The following KAZN variants were observed in gnomAD, a reference collection of about 807,000 sequenced individuals.
KAZN encodes kazrin, periplakin interacting protein.
Under a neutral mutation model 87.4 loss-of-function variants are expected in KAZN, and 40 were observed. The ratio of observed to expected loss-of-function variants is 0.46; its 90% CI spans 0.36 to 0.60. The LOEUF (loss-of-function observed/expected upper bound fraction) is 0.60. Among genes scored for constraint, KAZN ranks in the 20% least tolerant of loss-of-function variants. The pLI is 0.00. For missense variants in KAZN, 898 were observed against 1,073.9 expected (o/e 0.84, Z 2.29); for synonymous variants, 466 against 458.3 (o/e 1.02, Z -0.22).
intron 2 of KAZN, among the ~76,000 whole-genome samples, chr1:14,235,663 A>G (rs1048755493): frequency 1.3e-5 from 2 of 152,244 alleles, no homozygotes; most frequent in Non-Finnish European, 2.9e-5. Context: ...TTTTATGCAT[A>G]AAGATGACAT....
intron 2 of KAZN, among the ~76,000 whole-genome samples, chr1:14,536,483 G>C (rs75968173): frequency 0.021 from 3,154 of 152,296 alleles, 38 homozygotes; most frequent in Non-Finnish European, 0.029. Flanking sequence ...AGTCACAGGT[G>C]GTGGCTGTTG....
At position 14,946,399 on chromosome 1, in the gene KAZN, A is replaced by G. The variant is rs192714572; in HGVS notation, c.227-14285A>G. 1.8e-3 allele frequency among the ~76,000 whole-genome samples: 272 copies of G among 148,054 alleles called. 2 individuals carry two copies. Among genetic ancestry groups the G allele is most frequent in the Non-Finnish European group, 3.2e-3 (219 of 67,444 alleles). ...GTTGCCCAGGCTGGAGTGCAGTGGC[A>G]CAATCTCAGCTCACTACAACCTCTG... is the stretch of plus-strand genomic sequence containing the variant. On this transcript the variant is annotated intron_variant, in intron 1 of 14. Transcript: ENST00000376030.
chr1:14,557,666 G>A (rs201260195), intron 2 of KAZN, among the ~76,000 whole-genome samples: 3 of 108,060 alleles, frequency 2.8e-5, no homozygotes, highest in Admixed American at 9.6e-5. Flanking sequence ...GTGTGTGTGT[G>A]GTGTGTGAGA....
At chr1:14,597,990 C>T (rs1170250802), upstream of KAZN, among the ~76,000 whole-genome samples, 1 of 152,188 alleles carries the variant, frequency 6.6e-6, no homozygotes, top group Non-Finnish European at 1.5e-5. Context: ...CCATCGACGC[C>T]TTCCTTCTTA....
chr1:14,361,825 C>A (rs1233471900), intron 2 of KAZN, among the ~76,000 whole-genome samples: 1 of 152,216 alleles, frequency 6.6e-6, no homozygotes, highest in Non-Finnish European at 1.5e-5. Flanking sequence ...AGAGTTGTTC[C>A]TATTCGGCCA....
chr1:14,386,593 G>A (rs922699405), intron 2 of KAZN, among the ~76,000 whole-genome samples: 3 of 152,052 alleles, frequency 2.0e-5, no homozygotes, highest in African/African-American at 7.2e-5. Context: ...GGCTGGATAT[G>A]AAATTCGGGG....
intron 2 of KAZN, among the ~76,000 whole-genome samples, chr1:14,549,629 A>T (rs4072665): frequency 0.011 from 1,349 of 124,440 alleles, 5 homozygotes; most frequent in Non-Finnish European, 0.013. Flanking sequence ...TTTTTTTTTT[A>T]TTCAGGACAA....
At chr1:14,403,992 T>C (rs1663630701) in intron 2 of KAZN, among the ~76,000 whole-genome samples, 2 of 152,140 alleles carry the variant, frequency 1.3e-5, no homozygotes, top group South Asian at 2.1e-4. Context: ...TAAGGTTTTA[T>C]AGAGGAACTT....
chr1:14,133,906 C>G (rs1052816368), intron 1 of KAZN, among the ~76,000 whole-genome samples: 1 of 152,182 alleles, frequency 6.6e-6, no homozygotes, highest in East Asian at 1.9e-4. Flanking sequence ...TCCTTTTGAC[C>G]TCTAAGTCCT....
chr1:15,079,061 A>G (rs984624921), intron 8 of KAZN, among the ~76,000 whole-genome samples: 1 of 152,182 alleles, frequency 6.6e-6, no homozygotes, highest in Non-Finnish European at 1.5e-5. Context: ...TGCATGAATC[A>G]TGCAAGATAG....
intron 1 of KAZN, among the ~76,000 whole-genome samples, chr1:14,062,968 G>A (rs1642855428): frequency 6.6e-6 from 1 of 152,148 alleles, no homozygotes; most frequent in Non-Finnish European, 1.5e-5. Flanking sequence ...TGGAAGCATA[G>A]GAATTATAAA....
At chr1:15,023,158 C>T (rs151297393) in intron 2 of KAZN, among the ~76,000 whole-genome samples, 487 of 152,268 alleles carry the variant, frequency 3.2e-3, no homozygotes, top group Non-Finnish European at 5.3e-3. Context: ...GCCATGATCA[C>T]GCTTAGCATG....
At chr1:13,921,061 G>A (rs1640048205) in intron 1 of KAZN, among the ~76,000 whole-genome samples, 1 of 152,056 alleles carries the variant, frequency 6.6e-6, no homozygotes, top group South Asian at 2.1e-4. Context: ...ATTGTTTCAG[G>A]ACCTCTATGA....
chr1:14,146,149 G>T (rs1284704177), intron 1 of KAZN, among the ~76,000 whole-genome samples: 1 of 151,538 alleles, frequency 6.6e-6, no homozygotes, highest in Non-Finnish European at 1.5e-5. Flanking sequence ...ATTCTCCTTG[G>T]TGTAGTCACT....
At chr1:14,180,395 C>T (rs1371161850) in intron 1 of KAZN, 2 of 1,532,088 alleles carry the variant, frequency 1.3e-6, no homozygotes, top group South Asian at 1.2e-5. Context: ...TTGAAAGTTA[C>T]CAGTTGTGAC....
chr1:14,283,665 G>C (rs1653022469), intron 2 of KAZN, among the ~76,000 whole-genome samples: 1 of 152,090 alleles, frequency 6.6e-6, no homozygotes, highest in Non-Finnish European at 1.5e-5. Flanking sequence ...CGACCCCTTT[G>C]GGAACAATCT....
intron 8 of KAZN, among the ~76,000 whole-genome samples, chr1:15,084,099 C>T (rs868248614): frequency 2.7e-4 from 41 of 152,208 alleles, no homozygotes; most frequent in African/African-American, 9.4e-4. Context: ...TCTTCCTTGG[C>T]TGTCAAAACA....
intron 1 of KAZN, among the ~76,000 whole-genome samples, chr1:14,865,235 C>T (rs570484299): frequency 1.5e-4 from 23 of 152,270 alleles, no homozygotes; most frequent in African/African-American, 5.1e-4. Flanking sequence ...GAGACTTTTC[C>T]AGAGAAATGT....
chr1:15,088,909 G>A (rs1640399193), intron 8 of KAZN, among the ~76,000 whole-genome samples: 1 of 152,020 alleles, frequency 6.6e-6, no homozygotes, highest in Non-Finnish European at 1.5e-5. Flanking sequence ...AATGCGAGCT[G>A]TAAAGCCAGC....
Sources: allele counts gnomAD v4.1 joint callset (sites outside exome capture counted in the v4.1 genomes callset), GRCh38; gene constraint gnomAD v4.1.1; transcripts MANE v1.5; gene names NCBI Gene and HGNC (gene_info 2026-07-23, HGNC 2026-07-21).